The following ZFHX3 variants were observed in gnomAD, a reference collection of about 807,000 sequenced individuals.
The protein encoded by ZFHX3 is zinc finger homeobox protein 3.
ZFHX3 carries 42 observed loss-of-function variants against 279.1 expected under a neutral mutation model. The observed-to-expected ratio is 0.15, with a 90% CI of 0.12 to 0.19. ZFHX3 has a LOEUF of 0.19. ZFHX3 is among the 10% of genes least tolerant of loss of function. The pLI, the probability that ZFHX3 is intolerant of heterozygous loss-of-function variation, is 1.00. For synonymous variants in ZFHX3, 2,293 were observed against 1,957.8 expected (o/e 1.17, Z -4.52); for missense variants, 4,981 against 4,754.0 (o/e 1.05, Z -1.40).
At chr16:73,372,677 G>T (rs1031740155) in intron 3 of ZFHX3, among the ~76,000 whole-genome samples, 3 of 152,208 alleles carry the variant, frequency 2.0e-5, no homozygotes, top group African/African-American at 7.2e-5. Context: ...GAATAACCAT[G>T]GCCAAGATGG....
chr16:73,317,606 C>T (rs865808100), intron 4 of ZFHX3, among the ~76,000 whole-genome samples: 18 of 152,292 alleles, frequency 1.2e-4, no homozygotes, highest in Middle Eastern at 3.4e-3. Flanking sequence ...GCTGTGATTG[C>T]ATCACTGCTG....
chr16:72,785,460 G>A lies in ZFHX3; in HGVS notation c.*1704C>T, dbSNP rs1446543527. The A allele has an allele frequency of 1.3e-5, 2 of 152,604 alleles. No homozygotes were observed. Among genetic ancestry groups the A allele is most frequent in the Non-Finnish European group, 2.9e-5 (2 of 68,034 alleles). The allele number at this position is 152,604 out of a possible 1,614,324, so 9.5% of individuals were successfully genotyped here. ...AATTGTCATTAACATTTGCCTCTCT[G>A]CTTGCAGAAGAAGCACATAACAACC... On this transcript the variant is annotated 3_prime_UTR_variant, in exon 10 of 10. Transcript: ENST00000268489.
At chr16:73,105,233 C>A (rs1468895620) in intron 7 of ZFHX3, among the ~76,000 whole-genome samples, 1 of 150,364 alleles carries the variant, frequency 6.7e-6, no homozygotes, top group Admixed American at 6.7e-5. Flanking sequence ...CAGCGAGACA[C>A]TGTCTCTAAT....
At chr16:73,644,627 C>T (rs1369022361) in intron 2 of ZFHX3, among the ~76,000 whole-genome samples, 1 of 152,090 alleles carries the variant, frequency 6.6e-6, no homozygotes, top group Admixed American at 6.6e-5. Flanking sequence ...TGCCACTGCA[C>T]TCCACCCTGG....
chr16:73,661,591 G>A (rs922283484), intron 2 of ZFHX3, among the ~76,000 whole-genome samples: 5 of 152,028 alleles, frequency 3.3e-5, no homozygotes, highest in African/African-American at 1.2e-4. Context: ...GCGTGGTGGT[G>A]CATGCTTGTA....
intron 8 of ZFHX3, among the ~76,000 whole-genome samples, chr16:73,065,944 C>T (rs1965746231): frequency 6.6e-6 from 1 of 152,216 alleles, no homozygotes; most frequent in African/African-American, 2.4e-5. Context: ...GCTCATGACA[C>T]GAAATTTGGA....
chr16:73,121,716 C>T (rs950487429), intron 7 of ZFHX3, among the ~76,000 whole-genome samples: 2 of 150,618 alleles, frequency 1.3e-5, no homozygotes, highest in Admixed American at 6.6e-5. Flanking sequence ...CCTGGGTTCT[C>T]GCCATTCTCC....
intron 1 of ZFHX3, among the ~76,000 whole-genome samples, chr16:72,999,940 CAT>C (rs1963434080): frequency 1.3e-5 from 2 of 152,312 alleles, no homozygotes; most frequent in South Asian, 4.1e-4. Flanking sequence ...AAAATGGAAA[CAT>C]ACAGAAAACA....
chr16:72,969,615 C>G (rs1195552692), intron 1 of ZFHX3, among the ~76,000 whole-genome samples: 3 of 152,046 alleles, frequency 2.0e-5, no homozygotes, highest in Admixed American at 6.6e-5. Flanking sequence ...ACTATCCCCT[C>G]ACTAACCCCA....
intron 2 of ZFHX3, among the ~76,000 whole-genome samples, chr16:73,586,157 G>C (rs549697775): frequency 6.6e-6 from 1 of 152,092 alleles, no homozygotes; most frequent in African/African-American, 2.4e-5. Flanking sequence ...GGGAGGCTAA[G>C]ACAGGAGGAT....
At chr16:73,011,153 T>G (rs559086632) in intron 1 of ZFHX3, among the ~76,000 whole-genome samples, 1 of 152,078 alleles carries the variant, frequency 6.6e-6, no homozygotes, top group African/African-American at 2.4e-5. Context: ...GGCTAATTTT[T>G]GTATTTTTTG....
At chr16:73,458,376 C>T in intron 2 of ZFHX3, among the ~76,000 whole-genome samples, 1 of 143,610 alleles carries the variant, frequency 7.0e-6, no homozygotes, top group Non-Finnish European at 1.5e-5. Flanking sequence ...CTCCTTCCTC[C>T]CTCCCTTCCT....
chr16:72,834,957 T>A (rs1188902878), intron 4 of ZFHX3, among the ~76,000 whole-genome samples: 1 of 152,162 alleles, frequency 6.6e-6, no homozygotes, highest in African/African-American at 2.4e-5. Context: ...CTTAACAGGA[T>A]AATGCAGATT....
chr16:73,743,377 A>C (rs570848180), intron 1 of ZFHX3, among the ~76,000 whole-genome samples: 49 of 152,332 alleles, frequency 3.2e-4, no homozygotes, highest in African/African-American at 1.1e-3. Flanking sequence ...CGCAAATTAC[A>C]ATACACAATA....
intron 2 of ZFHX3, among the ~76,000 whole-genome samples, chr16:73,579,979 A>G (rs1291434873): frequency 1.4e-5 from 2 of 147,714 alleles, no homozygotes; most frequent in East Asian, 3.9e-4. Context: ...ATAATGTATT[A>G]TAATACACAT....
At chr16:73,067,870 G>A (rs577387091) in intron 8 of ZFHX3, among the ~76,000 whole-genome samples, 34 of 152,084 alleles carry the variant, frequency 2.2e-4, no homozygotes, top group Admixed American at 1.6e-3. Flanking sequence ...TCTATTCCAC[G>A]GACCAAGGGC....
At chr16:73,714,141 A>G (rs1220067811) in intron 1 of ZFHX3, among the ~76,000 whole-genome samples, 1 of 152,158 alleles carries the variant, frequency 6.6e-6, no homozygotes, top group African/African-American at 2.4e-5. Flanking sequence ...AACAACTGGG[A>G]GCATGCTGCT....
intron 5 of ZFHX3, among the ~76,000 whole-genome samples, chr16:73,230,029 G>A (rs117453204): frequency 0.035 from 5,270 of 152,226 alleles, 131 homozygotes; most frequent in Middle Eastern, 0.061. Flanking sequence ...ACAGATGAAT[G>A]AATTAATAGA....
chr16:72,904,407 T>C (rs1217733123), intron 3 of ZFHX3, among the ~76,000 whole-genome samples: 1 of 146,728 alleles, frequency 6.8e-6, no homozygotes, highest in Admixed American at 6.9e-5. Context: ...AATAAATAAA[T>C]AAATAAATAA....
Sources: gnomAD v4.1 joint callset for allele counts (sites outside exome capture counted in the v4.1 genomes callset) on GRCh38, gnomAD v4.1.1 for gene constraint, MANE v1.5 for transcripts, NCBI Gene and HGNC (gene_info 2026-07-23, HGNC 2026-07-21) for gene names.